SOX5: variants seen among roughly 807,000 people sequenced by gnomAD.
SOX5 encodes the protein transcription factor SOX-5.
Under a neutral mutation model 92.0 loss-of-function variants are expected in SOX5, and 9 were observed. The observed-to-expected ratio is 0.10, with a 90% CI of 0.06 to 0.17. The LOEUF is 0.17. SOX5 is among the 10% of genes least tolerant of loss of function. SOX5 has a pLI of 1.00. For synonymous variants in SOX5, 344 were observed against 336.3 expected, an observed-to-expected ratio of 1.02 and a Z score of -0.25; for missense variants, 642 against 944.5, an observed-to-expected ratio of 0.68 and a Z score of 4.20.
chr12:23,548,294 G>A (rs1317209411), intron 11 of SOX5, among the ~76,000 whole-genome samples: 1 of 152,062 alleles, frequency 6.6e-6, no homozygotes, highest in African/African-American at 2.4e-5. Flanking sequence ...ATGCTGTGCT[G>A]TCTTACCAAG....
chr12:23,902,054 G>A (rs2137993783), intron 1 of SOX5, among the ~76,000 whole-genome samples: 1 of 152,184 alleles, frequency 6.6e-6, no homozygotes, highest in South Asian at 2.1e-4. Context: ...ACATGTGTAA[G>A]TAAAAGATTA....
chr12:24,427,398 T>C (rs1966849589), intron 1 of SOX5, among the ~76,000 whole-genome samples: 1 of 152,174 alleles, frequency 6.6e-6, no homozygotes, highest in Admixed American at 6.5e-5. Context: ...TTAAACCTAG[T>C]TGAGGATAAT....
intron 3 of SOX5, among the ~76,000 whole-genome samples, chr12:24,219,551 GA>G (rs1959895289): frequency 6.6e-6 from 1 of 151,996 alleles, no homozygotes; most frequent in Non-Finnish European, 1.5e-5. Context: ...TGCATTTAAT[GA>G]AATACTCAAG....
intron 1 of SOX5, among the ~76,000 whole-genome samples, chr12:24,488,627 G>A (rs1946754488): frequency 6.6e-6 from 1 of 152,124 alleles, no homozygotes; most frequent in African/African-American, 2.4e-5. Context: ...TGCAGTAGCT[G>A]GATCTGACTA....
chr12:24,202,849 A>G (rs1468420404), intron 4 of SOX5, among the ~76,000 whole-genome samples: 3 of 152,160 alleles, frequency 2.0e-5, no homozygotes, highest in African/African-American at 4.8e-5. Flanking sequence ...AACTTTGATC[A>G]TTTGTTTTAG....
intron 4 of SOX5, among the ~76,000 whole-genome samples, chr12:24,210,350 T>A (rs1958472656): frequency 6.6e-6 from 1 of 152,222 alleles, no homozygotes; most frequent in Non-Finnish European, 1.5e-5. Context: ...ACCCAGCTAG[T>A]AAGTTTCAGA....
chr12:23,794,455 A>C (rs2095528684), intron 3 of SOX5, among the ~76,000 whole-genome samples: 1 of 152,144 alleles, frequency 6.6e-6, no homozygotes. Flanking sequence ...CTACTGGGTT[A>C]AATGAAATGA....
At chr12:23,875,211 G>T (rs2096914876) in intron 2 of SOX5, among the ~76,000 whole-genome samples, 1 of 152,158 alleles carries the variant, frequency 6.6e-6, no homozygotes, top group Admixed American at 6.6e-5. Flanking sequence ...CAATAATCGT[G>T]AAGTGGAATA....
chr12:23,553,066 T>A (rs1268488064), intron 11 of SOX5, among the ~76,000 whole-genome samples: 2 of 152,032 alleles, frequency 1.3e-5, no homozygotes, highest in African/African-American at 4.8e-5. Flanking sequence ...TTTGTCATAT[T>A]TTTATACTTT....
intron 2 of SOX5, among the ~76,000 whole-genome samples, chr12:23,883,000 T>C (rs537216272): frequency 6.6e-6 from 1 of 152,044 alleles, no homozygotes; most frequent in African/African-American, 2.4e-5. Context: ...GCTAACACAG[T>C]GAAACCCCGT....
In SOX5 at chr12:23,739,827, T is replaced by C. The variant is rs546216405; in HGVS notation, c.741+1040A>G. 7.0e-4 allele frequency among the ~76,000 whole-genome samples: 107 copies of C among 152,332 alleles called. 1 individual carries two copies. Among genetic ancestry groups the C allele is most frequent in the Middle Eastern group, 3.4e-3 (1 of 294 alleles). ...ATCTAGCTGCCCAATCTAAGGAGCA[T>C]TGCCTTGTCATAGCAATCAACATTT... On this transcript the variant is annotated intron_variant, in intron 5 of 14. Transcript: ENST00000451604.
chr12:24,365,491 G>A (rs1417978972), intron 2 of SOX5, among the ~76,000 whole-genome samples: 1 of 151,610 alleles, frequency 6.6e-6, no homozygotes, highest in East Asian at 1.9e-4. Flanking sequence ...GTTTTCCTAT[G>A]ATTGACCTAT....
At chr12:24,415,066 T>G (rs1023803688) in intron 1 of SOX5, among the ~76,000 whole-genome samples, 1 of 152,206 alleles carries the variant, frequency 6.6e-6, no homozygotes, top group African/African-American at 2.4e-5. Context: ...TGAAAGCTCA[T>G]AACATTTTTC....
chr12:24,182,567 C>A (rs1000203388), intron 4 of SOX5, among the ~76,000 whole-genome samples: 1 of 151,360 alleles, frequency 6.6e-6, no homozygotes. Context: ...GCTATTGGGA[C>A]TCTTTTTTTT....
At chr12:23,679,338 T>C (rs949571904) in intron 6 of SOX5, among the ~76,000 whole-genome samples, 2 of 152,082 alleles carry the variant, frequency 1.3e-5, no homozygotes, top group African/African-American at 4.8e-5. Context: ...GCAATTAAGG[T>C]GAGGATACCA....
intron 1 of SOX5, among the ~76,000 whole-genome samples, chr12:23,905,732 G>A (rs901563246): frequency 3.3e-5 from 5 of 152,080 alleles, no homozygotes; most frequent in Admixed American, 2.0e-4. Flanking sequence ...ATGTACAAAT[G>A]TGCTTTCATT....
intron 4 of SOX5, among the ~76,000 whole-genome samples, chr12:24,103,602 C>T (rs12305890): frequency 2.0e-5 from 3 of 152,240 alleles, no homozygotes; most frequent in Admixed American, 2.0e-4. Flanking sequence ...GTGATCCTCA[C>T]GCCTTGGCCT....
intron 9 of SOX5, among the ~76,000 whole-genome samples, chr12:23,597,800 G>C (rs1952713712): frequency 1.3e-5 from 2 of 152,092 alleles, no homozygotes; most frequent in South Asian, 4.1e-4. Context: ...GTTTTCAATA[G>C]CTATTTAACA....
chr12:23,728,275 A>T (rs770986223), intron 6 of SOX5, among the ~76,000 whole-genome samples: 3 of 152,214 alleles, frequency 2.0e-5, no homozygotes, highest in Non-Finnish European at 2.9e-5. Context: ...TTTATTTCAC[A>T]TAGCAAAACA....
Sources: gnomAD v4.1 joint callset for allele counts (sites outside exome capture counted in the v4.1 genomes callset) on GRCh38, gnomAD v4.1.1 for gene constraint, MANE v1.5 for transcripts, NCBI Gene and HGNC (gene_info 2026-07-23, HGNC 2026-07-21) for gene names.